The following MED12L variants were observed in gnomAD, a reference collection of about 807,000 sequenced individuals.
MED12L encodes the protein mediator of RNA polymerase II transcription subunit 12-like protein.
A neutral mutation model predicts 281.3 loss-of-function variants in MED12L; 60 were observed. That is an observed-to-expected ratio of 0.21 (90% confidence interval 0.17 to 0.26). The LOEUF (loss-of-function observed/expected upper bound fraction) is 0.26, where lower values mean the gene tolerates loss of function less well. MED12L is among the 10% of genes least tolerant of loss of function. The pLI is 1.00. For missense variants in MED12L, 2,146 were observed against 2,680.9 expected (o/e 0.80, Z 4.41); for synonymous variants, 974 against 987.2 (o/e 0.99, Z 0.25).
intron 16 of MED12L, among the ~76,000 whole-genome samples, chr3:151,220,054 A>G (rs191516907): frequency 5.2e-4 from 78 of 149,772 alleles, no homozygotes; most frequent in Admixed American, 2.5e-3. Context: ...GGGCCAGATA[A>G]TTATTTATTT....
chr3:151,171,347 G>C lies in MED12L; in HGVS notation c.1494+5365G>C, dbSNP rs567521947. On this transcript the variant is annotated intron_variant, in intron 11 of 44. Transcript: ENST00000687756. ...CCTTCCTCTTGGCATCTCTCTGTTTGGGATGAGTGTGAGCACGGAGGCAGC... is the reference window on the plus strand; with the variant it reads ...CCTTCCTCTTGGCATCTCTCTGTTTCGGATGAGTGTGAGCACGGAGGCAGC... 8.5e-5 allele frequency among the ~76,000 whole-genome samples: 13 copies of C among 152,292 alleles called. No homozygotes were observed. In the South Asian group the frequency reaches 2.7e-3, roughly 32 times the overall value.
chr3:151,337,611 A>T (rs1007580097), intron 16 of MED12L: 1 of 568,276 alleles, frequency 1.8e-6, no homozygotes, highest in African/African-American at 1.9e-5. Flanking sequence ...CTGCTAATAC[A>T]GCTACAGTTT....
intron 39 of MED12L, among the ~76,000 whole-genome samples, chr3:151,406,531 T>C (rs185702591): frequency 1.3e-5 from 2 of 152,156 alleles, no homozygotes; most frequent in African/African-American, 4.8e-5. Context: ...GAATATTGCA[T>C]ATCTGAATTA....
intron 16 of MED12L, among the ~76,000 whole-genome samples, chr3:151,204,615 A>G (rs988402933): frequency 2.6e-5 from 4 of 152,220 alleles, no homozygotes; most frequent in Non-Finnish European, 5.9e-5. Context: ...TCACTGAAGA[A>G]CATACTTGTA....
intron 16 of MED12L, among the ~76,000 whole-genome samples, chr3:151,310,946 G>A (rs1314340052): frequency 6.6e-6 from 1 of 152,134 alleles, no homozygotes; most frequent in Non-Finnish European, 1.5e-5. Flanking sequence ...AACTTTAAGG[G>A]TAGAGTTGTT....
chr3:151,158,663 A>T (rs376625803), intron 6 of MED12L, 26 bp from the exon 7 acceptor site: 1 of 1,472,914 alleles, frequency 6.8e-7, no homozygotes, highest in South Asian at 1.2e-5. Flanking sequence ...AACATTATTA[A>T]TGTAATTTTT....
intron 2 of MED12L, among the ~76,000 whole-genome samples, chr3:151,105,333 C>T (rs949128371): frequency 1.4e-4 from 21 of 152,298 alleles, no homozygotes; most frequent in African/African-American, 4.8e-4. Context: ...TGCATCTCTC[C>T]TCCTTTTTCT....
chr3:151,372,903 G>T, intron 27 of MED12L, 137 bp downstream of exon 27: 1 of 626,076 alleles, frequency 1.6e-6, no homozygotes, highest in Admixed American at 3.3e-5. Flanking sequence ...TTTTAAGTTT[G>T]CTGAAAAGTT....
chr3:151,124,258 G>T (rs1051053530), intron 4 of MED12L, among the ~76,000 whole-genome samples: 1 of 152,176 alleles, frequency 6.6e-6, no homozygotes, highest in Non-Finnish European at 1.5e-5. Context: ...CGAAGTAGTG[G>T]TTTCTCCTCT....
chr3:151,324,410 G>T (rs1749346402), intron 16 of MED12L, among the ~76,000 whole-genome samples: 1 of 152,090 alleles, frequency 6.6e-6, no homozygotes, highest in Non-Finnish European at 1.5e-5. Flanking sequence ...GAGCATGGGG[G>T]TGGCTACGGA....
intron 16 of MED12L, among the ~76,000 whole-genome samples, chr3:151,211,139 G>A (rs1727095988): frequency 1.3e-5 from 2 of 152,208 alleles, no homozygotes; most frequent in South Asian, 4.1e-4. Flanking sequence ...TTACTCAGCT[G>A]TTGCTTCACA....
intron 11 of MED12L, among the ~76,000 whole-genome samples, chr3:151,181,733 G>A (rs567773418): frequency 6.6e-6 from 1 of 152,014 alleles, no homozygotes; most frequent in Admixed American, 6.6e-5. Context: ...CTACAGGCAT[G>A]CGCCACCATA....
chr3:151,322,921 G>T (rs1247386099), intron 16 of MED12L, among the ~76,000 whole-genome samples: 2 of 151,942 alleles, frequency 1.3e-5, no homozygotes. Flanking sequence ...TATTTTTGGA[G>T]CCTGGGTCCA....
At chr3:151,430,446 T>A in intron 44 of MED12L, 66 bp downstream of exon 44, 1 of 1,602,946 alleles carries the variant, frequency 6.2e-7, no homozygotes, top group South Asian at 1.1e-5. Flanking sequence ...CAGCGAAACG[T>A]AAAGTGGCGG....
intron 21 of MED12L, among the ~76,000 whole-genome samples, chr3:151,362,443 T>G (rs1754725978): frequency 6.6e-6 from 1 of 152,098 alleles, no homozygotes; most frequent in South Asian, 2.1e-4. Flanking sequence ...TTGCACTTTA[T>G]CTTACGTTGC....
intron 17 of MED12L, among the ~76,000 whole-genome samples, chr3:151,352,987 G>A (rs1345548573): frequency 3.9e-5 from 6 of 152,148 alleles, no homozygotes; most frequent in Non-Finnish European, 8.8e-5. Flanking sequence ...TTAAAATAAA[G>A]TATTTCGTTG....
At chr3:151,425,756 A>G (rs1352425774) in intron 43 of MED12L, 2 of 456,552 alleles carry the variant, frequency 4.4e-6, no homozygotes, top group Non-Finnish European at 8.8e-6. Context: ...GAGAGAAGCA[A>G]TTATCATGTT....
intron 2 of MED12L, among the ~76,000 whole-genome samples, chr3:151,112,206 G>A (rs912553286): frequency 1.3e-5 from 2 of 151,846 alleles, no homozygotes; most frequent in African/African-American, 4.8e-5. Flanking sequence ...CAGCACACCT[G>A]TATCAGTTTG....
chr3:151,327,532 G>C (rs1364421311), intron 16 of MED12L: 1 of 151,804 alleles, frequency 6.6e-6, no homozygotes, highest in Non-Finnish European at 1.5e-5. Context: ...TCAACCCCTG[G>C]CTGCAGTTTT....
Sources: gnomAD v4.1 joint callset for allele counts (sites outside exome capture counted in the v4.1 genomes callset) on GRCh38, gnomAD v4.1.1 for gene constraint, MANE v1.5 for transcripts, NCBI Gene and HGNC (gene_info 2026-07-23, HGNC 2026-07-21) for gene names.